The following RNLS variants were observed in gnomAD, a reference collection of about 807,000 sequenced individuals.
The protein encoded by RNLS is renalase.
A neutral mutation model predicts 39.8 loss-of-function variants in RNLS; 39 were observed. The observed-to-expected ratio is 0.98, with a 90% CI of 0.76 to 1.28. RNLS has a LOEUF of 1.28. Ranked by LOEUF, RNLS falls within the 50% of genes most tolerant of loss-of-function variation. The pLI is 0.00. For synonymous variants in RNLS, 147 were observed against 150.7 expected (o/e 0.98, Z 0.18); for missense variants, 410 against 413.3 (o/e 0.99, Z 0.07).
the RNLS span, among the ~76,000 whole-genome samples, chr10:88,182,825 A>G: frequency 6.6e-6 from 1 of 152,066 alleles, no homozygotes; most frequent in South Asian, 2.1e-4. Context: ...TTGGGACTCT[A>G]GTCAGTGACC....
At chr10:88,377,415 G>T (rs1851102887) in intron 4 of RNLS, among the ~76,000 whole-genome samples, 1 of 152,082 alleles carries the variant, frequency 6.6e-6, no homozygotes, top group East Asian at 1.9e-4. Context: ...TTCATCATTA[G>T]GTGATTTTGC....
intron 6 of RNLS, among the ~76,000 whole-genome samples, chr10:88,277,080 T>A (rs1752090362): frequency 6.6e-6 from 1 of 152,180 alleles, no homozygotes; most frequent in African/African-American, 2.4e-5. Flanking sequence ...CCAACCCAAA[T>A]GTCCATCAAT....
chr10:88,197,341 T>A, the RNLS span, among the ~76,000 whole-genome samples: 1 of 152,180 alleles, frequency 6.6e-6, no homozygotes, highest in Non-Finnish European at 1.5e-5. Context: ...CTTTGTAAGG[T>A]CCTTACCTCT....
At chr10:88,254,601 C>T in the RNLS span, among the ~76,000 whole-genome samples, 1 of 152,124 alleles carries the variant, frequency 6.6e-6, no homozygotes, top group Admixed American at 6.6e-5. Context: ...TTGCTTAAGC[C>T]AGCTTTGTTT....
At chr10:88,504,470 T>G (rs1228683860) in intron 4 of RNLS, among the ~76,000 whole-genome samples, 2 of 151,994 alleles carry the variant, frequency 1.3e-5, no homozygotes, top group Non-Finnish European at 2.9e-5. Flanking sequence ...CACAGGAAAA[T>G]AAACCTGAAA....
downstream of RNLS, among the ~76,000 whole-genome samples, chr10:88,282,393 C>T (rs897863231): frequency 1.3e-5 from 2 of 151,726 alleles, no homozygotes; most frequent in Non-Finnish European, 2.9e-5. Flanking sequence ...AGATCTGTGC[C>T]TTGGTTTCCT....
chr10:88,176,214 C>T, the RNLS span, among the ~76,000 whole-genome samples: 275 of 150,944 alleles, frequency 1.8e-3, 1 homozygote, highest in Non-Finnish European at 3.2e-3. Flanking sequence ...CTTGCTCTGT[C>T]GCCAGGTTGG....
intron 4 of RNLS, among the ~76,000 whole-genome samples, chr10:88,449,825 A>T (rs1842265555): frequency 6.6e-6 from 1 of 152,182 alleles, no homozygotes; most frequent in Admixed American, 6.5e-5. Context: ...CCTTTTATTA[A>T]TTTTTTAAGT....
Position 88,284,435 on chromosome 10 carries a change from A to G in RNLS, c.*919T>C. The stretch of plus-strand genomic sequence containing the variant: ...TCTCCAGCTAGCAAGTCGTGGGGTC[A>G]GGTCACTGAAGCATGTGGGTGATAT... On this transcript the variant is annotated 3_prime_UTR_variant, in exon 7 of 7. Transcript: ENST00000331772. The G allele has an allele frequency of 1.0e-6, 1 of 985,380 alleles. No homozygotes were observed. Among genetic ancestry groups the G allele is most frequent in the Non-Finnish European group, 1.2e-6 (1 of 829,900 alleles). 61.0% of individuals were successfully genotyped at this position (985,380 alleles called of 1,614,324 possible).
chr10:88,559,523 C>T (rs1344891218), intron 4 of RNLS, among the ~76,000 whole-genome samples: 1 of 152,146 alleles, frequency 6.6e-6, no homozygotes, highest in African/African-American at 2.4e-5. Flanking sequence ...CTAGCTCCTA[C>T]CAAATCAGTC....
intron 4 of RNLS, among the ~76,000 whole-genome samples, chr10:88,507,654 T>C (rs946559892): frequency 6.6e-6 from 1 of 152,146 alleles, no homozygotes; most frequent in Admixed American, 6.6e-5. Context: ...GGATTACCAC[T>C]ATCAGGTTTT....
chr10:88,551,175 T>C (rs963107301), intron 4 of RNLS, among the ~76,000 whole-genome samples: 2 of 152,188 alleles, frequency 1.3e-5, no homozygotes, highest in African/African-American at 2.4e-5. Context: ...GGCCAAGATA[T>C]AGAAGAAAAG....
chr10:88,203,273 T>C, the RNLS span, among the ~76,000 whole-genome samples: 1 of 17,536 alleles, frequency 5.7e-5, no homozygotes, highest in Non-Finnish European at 1.1e-4. Context: ...TGTATGTATA[T>C]ATATATATAT....
chr10:88,475,710 C>T (rs1319149108), intron 4 of RNLS, among the ~76,000 whole-genome samples: 2 of 152,012 alleles, frequency 1.3e-5, no homozygotes, highest in African/African-American at 4.8e-5. Context: ...TGGTCTCTGG[C>T]TTTTGGGGGG....
the RNLS span, among the ~76,000 whole-genome samples, chr10:88,204,630 T>C: frequency 6.6e-6 from 1 of 152,168 alleles, no homozygotes; most frequent in East Asian, 1.9e-4. Context: ...AATAATTTCA[T>C]AGGCCTTACT....
intron 4 of RNLS, among the ~76,000 whole-genome samples, chr10:88,365,922 CTAA>C (rs1403151378): frequency 6.6e-6 from 1 of 152,040 alleles, no homozygotes; most frequent in Non-Finnish European, 1.5e-5. Flanking sequence ...TAAAAGAAGG[CTAA>C]TAATACATAT....
rs917501263 is a variant in RNLS at position 88,393,334 on chromosome 10, T to C, written c.527-30609A>G. Among the ~76,000 whole-genome samples the C allele has an allele frequency of 9.2e-5, 14 of 152,176 alleles. No individual in the cohort carries two copies. In the South Asian group the frequency reaches 1.7e-3, roughly 18 times the overall value. On this transcript the variant is annotated intron_variant, in intron 4 of 6. Transcript: ENST00000331772. ...AAATCTCCTCAAGCTGATAAGCAAC[T>C]TCAGCAAAGTCTCAGGATACAAAAT...
intron 4 of RNLS, among the ~76,000 whole-genome samples, chr10:88,380,446 G>A (rs1325918495): frequency 1.5e-5 from 2 of 131,986 alleles, no homozygotes; most frequent in African/African-American, 5.7e-5. Context: ...CGTGATCTCC[G>A]CTCACTGCAA....
At chr10:88,193,756 T>C in the RNLS span, among the ~76,000 whole-genome samples, 2 of 152,098 alleles carry the variant, frequency 1.3e-5, no homozygotes, top group African/African-American at 4.8e-5. Context: ...TGATCTCCAC[T>C]CAGAAAATAA....
Sources: gnomAD v4.1 joint callset for allele counts (sites outside exome capture counted in the v4.1 genomes callset) on GRCh38, gnomAD v4.1.1 for gene constraint, MANE v1.5 for transcripts, NCBI Gene and HGNC (gene_info 2026-07-23, HGNC 2026-07-21) for gene names.